The following SWT1 variants were observed in gnomAD, a reference collection of about 807,000 sequenced individuals.
The protein encoded by SWT1 is transcriptional protein SWT1.
In SWT1, 33 loss-of-function variants were observed where a neutral mutation model predicts 107.3. The observed-to-expected ratio is 0.31, with a 90% CI of 0.23 to 0.41. The LOEUF (loss-of-function observed/expected upper bound fraction) is 0.41. Ranked by LOEUF, SWT1 falls within the 10% of genes least tolerant of loss-of-function variation. SWT1 has a pLI of 1.00. For missense variants in SWT1, 898 were observed against 1,028.9 expected (o/e 0.87, Z 1.74); for synonymous variants, 345 against 348.3 (o/e 0.99, Z 0.11).
At chr1:185,229,390 T>C (rs1315102087) in intron 15 of SWT1, among the ~76,000 whole-genome samples, 1 of 152,130 alleles carries the variant, frequency 6.6e-6, no homozygotes, top group East Asian at 1.9e-4. Context: ...GTATGGTTAT[T>C]TTCATCCTCA....
chr1:185,271,750 A>G (rs965096298), intron 17 of SWT1, among the ~76,000 whole-genome samples: 3 of 152,194 alleles, frequency 2.0e-5, no homozygotes, highest in Non-Finnish European at 4.4e-5. Flanking sequence ...CTTATTAACT[A>G]TAGACTTCAT....
intron 1 of SWT1, 82 bp from the exon 2 acceptor site, chr1:185,160,751 C>A: frequency 1.0e-6 from 1 of 972,214 alleles, no homozygotes. Flanking sequence ...AAACTCCAAT[C>A]TTTATATAAC....
chr1:185,182,046 A>T lies in SWT1; in HGVS notation c.1127A>T (p.His376Leu). The T allele has an allele frequency of 6.2e-7, 1 of 1,613,756 alleles. No homozygotes were observed. The highest frequency in any genetic ancestry group is 1.1e-5 in the South Asian group (1 of 91,076). The change falls in exon 7 of 19, where the codon CAT (histidine) becomes CTT (leucine). Residue 376 changes from histidine (H) to leucine (L), a missense_variant. Transcript: ENST00000367500. ...GAAATTGACTTAGAAGATGATGTAC[A>T]TTCCTCCTCTGGTATACCCTATATG... ...SMEIDLEDDV[H>L]SSSANNTSDR...
At chr1:185,157,497 C>G (rs1571368259) in intron 1 of SWT1, 183 bp downstream of exon 1, 2 of 152,536 alleles carry the variant, frequency 1.3e-5, no homozygotes, top group Non-Finnish European at 2.9e-5. Context: ...TGGTTCTGGC[C>G]CGGCTTGCCT....
At chr1:185,287,465 A>G (rs1665013579) in intron 18 of SWT1, among the ~76,000 whole-genome samples, 1 of 152,220 alleles carries the variant, frequency 6.6e-6, no homozygotes, top group African/African-American at 2.4e-5. Flanking sequence ...TATTTGTACT[A>G]TCAGAGGAAG....
chr1:185,266,562 A>C (rs1571664393), intron 16 of SWT1: 1 of 152,202 alleles, frequency 6.6e-6, no homozygotes, highest in Non-Finnish European at 1.5e-5. Context: ...GTGGCGGTTT[A>C]TCACAACCAG....
intron 2 of SWT1, among the ~76,000 whole-genome samples, chr1:185,162,793 T>G (rs1490043083): frequency 6.6e-6 from 1 of 152,024 alleles, no homozygotes; most frequent in Admixed American, 6.5e-5. Context: ...GGTAGTCTAT[T>G]AAGTGTACAA....
chr1:185,279,854 A>C (rs1207834549), intron 18 of SWT1, among the ~76,000 whole-genome samples: 1 of 151,992 alleles, frequency 6.6e-6, no homozygotes, highest in Non-Finnish European at 1.5e-5. Context: ...TATGAAGGAC[A>C]GTTAATGTTT....
At chr1:185,266,275 A>G (rs1663380848) in intron 16 of SWT1, among the ~76,000 whole-genome samples, 1 of 152,208 alleles carries the variant, frequency 6.6e-6, no homozygotes, top group Non-Finnish European at 1.5e-5. Flanking sequence ...CGTGTTAGCC[A>G]GGATGGTCTC....
chr1:185,268,676 C>T (rs1290795247), intron 16 of SWT1, among the ~76,000 whole-genome samples: 2 of 152,124 alleles, frequency 1.3e-5, no homozygotes, highest in Admixed American at 1.3e-4. Flanking sequence ...GAGTTTGTCT[C>T]ATCCTCTGGA....
rs1347607286 is a variant in SWT1, at chr1:185,276,645, T to A, written c.2550T>A (p.Asp850Glu). The A allele has an allele frequency of 6.3e-7, 1 of 1,585,666 alleles. No homozygotes were observed. The highest frequency in any genetic ancestry group is 1.3e-5 in the African/African-American group (1 of 74,294). Residue 850 changes from aspartate (D) to glutamate (E), a missense_variant, in exon 18 of 19, where the codon GAT becomes GAA. Physicochemically the swap from Asp to Glu is conservative, Grantham distance 45. Transcript: ENST00000367500. Reference sequence around the variant, plus strand: ...AATTTACTGCCCAGGAAATTTATGATTGTGTTTCTCAGACTGAGTATAGGT... The same window carrying A: ...AATTTACTGCCCAGGAAATTTATGAATGTGTTTCTCAGACTGAGTATAGGT... ...NVKFTAQEIY[D>E]CVSQTEYREK...
rs189382465 is a variant in SWT1 at position 185,172,382 on chromosome 1, T to C, written c.225-1990T>C. Among the ~76,000 whole-genome samples the C allele has an allele frequency of 5.2e-4, 79 of 152,332 alleles. No homozygotes were observed. In the East Asian group the frequency reaches 0.015, roughly 28 times the overall value. On this transcript the variant is annotated intron_variant, in intron 4 of 18. Coordinates refer to ENST00000367500, the MANE Select transcript of SWT1 (RefSeq NM_017673.7). ...TGATTTTCAATATGTTTTATGTCAC[T>C]GAAGACTTTTCATAAACATCCTTTT...
chr1:185,265,864 T>C (rs1663335364), intron 16 of SWT1, among the ~76,000 whole-genome samples: 1 of 152,170 alleles, frequency 6.6e-6, no homozygotes, highest in African/African-American at 2.4e-5. Flanking sequence ...ATTTTTAATA[T>C]AATATTATAA....
At chr1:185,181,846 TA>T in intron 6 of SWT1, 99 bp from the exon 7 acceptor site, 1 of 1,327,046 alleles carries the variant, frequency 7.5e-7, no homozygotes, top group Non-Finnish European at 1.0e-6. Flanking sequence ...TTTCTTTCCA[TA>T]AACCATCTCA....
intron 1 of SWT1, among the ~76,000 whole-genome samples, chr1:185,158,317 C>A (rs1167643284): frequency 6.6e-6 from 1 of 151,704 alleles, no homozygotes; most frequent in Non-Finnish European, 1.5e-5. Flanking sequence ...AACAGATTAT[C>A]CCTGTGGAGC....
chr1:185,164,989 TGATTTA>T (rs1654451799), intron 2 of SWT1, among the ~76,000 whole-genome samples: 3 of 152,370 alleles, frequency 2.0e-5, no homozygotes, highest in Admixed American at 2.0e-4. Context: ...TTTCTAGCTT[TGATTTA>T]AAGTGAGAGA....
chr1:185,249,712 T>C (rs562792231), intron 16 of SWT1, among the ~76,000 whole-genome samples: 1 of 152,166 alleles, frequency 6.6e-6, no homozygotes, highest in East Asian at 1.9e-4. Flanking sequence ...AGGAAGTCAC[T>C]AGCAGTTCTA....
At position 185,254,250 on chromosome 1, in the gene SWT1, T is replaced by C. The variant is rs1162846317; in HGVS notation, c.2442-17073T>C. ...TTGGTCTAAAATTCTCTTTTTTTGT[T>C]GTGTCTCTGCCTGGCTTTGGTATCA... is the stretch of plus-strand genomic sequence containing the variant. On this transcript the variant is annotated intron_variant, in intron 16 of 18. Coordinates refer to ENST00000367500, the MANE Select transcript of SWT1 (RefSeq NM_017673.7). Among the ~76,000 whole-genome samples the C allele has an allele frequency of 1.1e-4, 14 of 126,250 alleles. 1 individual carries two copies. In the South Asian group the frequency reaches 2.4e-3, roughly 22 times the overall value. 82.8% of individuals were successfully genotyped at this position (126,250 alleles called of 152,430 possible).
intron 4 of SWT1, among the ~76,000 whole-genome samples, chr1:185,169,331 A>C (rs557447982): frequency 6.6e-6 from 1 of 150,644 alleles, no homozygotes; most frequent in Non-Finnish European, 1.5e-5. Flanking sequence ...TTGACTTTAA[A>C]CTAGTTACCT....
Sources: gnomAD v4.1 joint callset for allele counts (sites outside exome capture counted in the v4.1 genomes callset) on GRCh38, gnomAD v4.1.1 for gene constraint, MANE v1.5 for transcripts, NCBI Gene and HGNC (gene_info 2026-07-23, HGNC 2026-07-21) for gene names.